The following RGL1 variants were observed in gnomAD, a reference collection of about 807,000 sequenced individuals.
The protein encoded by RGL1 is ral guanine nucleotide dissociation stimulator like 1.
Under a neutral mutation model 95.2 loss-of-function variants are expected in RGL1, and 24 were observed. The ratio of observed to expected loss-of-function variants is 0.25; its 90% CI spans 0.18 to 0.35. RGL1 has a LOEUF of 0.35. Ranked by LOEUF, RGL1 falls within the 10% of genes least tolerant of loss-of-function variation. RGL1 has a pLI of 1.00. For synonymous variants in RGL1, 329 were observed against 344.9 expected (o/e 0.95, Z 0.51); for missense variants, 715 against 936.3 (o/e 0.76, Z 3.08).
intron 2 of RGL1, among the ~76,000 whole-genome samples, chr1:183,798,646 A>G (rs1433898521): frequency 6.6e-6 from 1 of 152,036 alleles, no homozygotes; most frequent in Non-Finnish European, 1.5e-5. Context: ...CCTGTAGTAG[A>G]TCCCTAGAAG....
intron 1 of RGL1, among the ~76,000 whole-genome samples, chr1:183,697,683 T>C (rs4497173): frequency 0.97 from 147,658 of 152,338 alleles, 71,716 homozygotes; most frequent in East Asian, 1. Flanking sequence ...GGTTAAAAAC[T>C]GTCATTGGTT....
chr1:183,657,077 A>T (rs1651224621), intron 1 of RGL1, among the ~76,000 whole-genome samples: 1 of 151,546 alleles, frequency 6.6e-6, no homozygotes, highest in East Asian at 1.9e-4. Flanking sequence ...GAATTTTAGA[A>T]TTTTTTTTAT....
At chr1:183,882,746 C>T (rs1190762967) in intron 5 of RGL1, among the ~76,000 whole-genome samples, 1 of 152,126 alleles carries the variant, frequency 6.6e-6, no homozygotes, top group Non-Finnish European at 1.5e-5. Flanking sequence ...GGTGTAGGGT[C>T]CACTCTCGGA....
chr1:183,662,145 T>C (rs1467573667), intron 1 of RGL1, among the ~76,000 whole-genome samples: 2 of 151,482 alleles, frequency 1.3e-5, no homozygotes, highest in African/African-American at 4.9e-5. Flanking sequence ...CTTTGAAAAC[T>C]GGCACAAGAC....
At chr1:183,747,367 A>G (rs959221234) in intron 2 of RGL1, among the ~76,000 whole-genome samples, 1 of 152,212 alleles carries the variant, frequency 6.6e-6, no homozygotes, top group African/African-American at 2.4e-5. Context: ...GTGAGATGGT[A>G]TCTCATTGTA....
chr1:183,809,979 CCAGA>C (rs1661599617), intron 2 of RGL1, among the ~76,000 whole-genome samples: 1 of 152,022 alleles, frequency 6.6e-6, no homozygotes, highest in Non-Finnish European at 1.5e-5. Context: ...GTAATTTCAC[CCAGA>C]CATTCACTTA....
chr1:183,674,808 T>A (rs1308321641), intron 1 of RGL1, among the ~76,000 whole-genome samples: 1 of 152,258 alleles, frequency 6.6e-6, no homozygotes, highest in Non-Finnish European at 1.5e-5. Flanking sequence ...CTTTAATCTT[T>A]CATCTATCAA....
intron 1 of RGL1, among the ~76,000 whole-genome samples, chr1:183,688,447 G>C (rs1186117520): frequency 6.7e-6 from 1 of 149,400 alleles, no homozygotes; most frequent in South Asian, 2.1e-4. Context: ...GAAATCTCTG[G>C]ATCTACTGAA....
At chr1:183,772,154 C>T (rs925069800) in intron 2 of RGL1, among the ~76,000 whole-genome samples, 2 of 152,240 alleles carry the variant, frequency 1.3e-5, no homozygotes, top group Non-Finnish European at 2.9e-5. Context: ...GCCCACGATT[C>T]TTCCAAGGCA....
At chr1:183,794,932 A>G (rs144744661) in intron 2 of RGL1, among the ~76,000 whole-genome samples, 1 of 152,256 alleles carries the variant, frequency 6.6e-6, no homozygotes, top group East Asian at 1.9e-4. Flanking sequence ...TCATGTAGTC[A>G]TTTTCTTTAT....
At chr1:183,653,843 G>A (rs1311798844) in intron 1 of RGL1, among the ~76,000 whole-genome samples, 3 of 152,098 alleles carry the variant, frequency 2.0e-5, no homozygotes, top group African/African-American at 4.8e-5. Flanking sequence ...TGTGGCTAAC[G>A]GAAGAGCCAC....
chr1:183,881,421 A>G (rs57106900), intron 5 of RGL1, among the ~76,000 whole-genome samples: 87,283 of 152,052 alleles, frequency 0.57, 25,387 homozygotes, highest in African/African-American at 0.67. Context: ...TTTGAAGATT[A>G]ACTTCCTATT....
At chr1:183,686,334 A>T (rs1342555472) in intron 1 of RGL1, among the ~76,000 whole-genome samples, 1 of 152,188 alleles carries the variant, frequency 6.6e-6, no homozygotes, top group Admixed American at 6.5e-5. Context: ...TGCATTTATT[A>T]ATAAAAATAT....
intron 2 of RGL1, among the ~76,000 whole-genome samples, chr1:183,836,149 C>T (rs535710924): frequency 3.3e-5 from 5 of 152,222 alleles, no homozygotes; most frequent in East Asian, 1.9e-4. Context: ...ACAAGTTAGC[C>T]TTCTTTCTTC....
At chr1:183,876,197 C>T (rs895133797) in intron 4 of RGL1, among the ~76,000 whole-genome samples, 1 of 152,190 alleles carries the variant, frequency 6.6e-6, no homozygotes, top group African/African-American at 2.4e-5. Flanking sequence ...TTTTGTGACT[C>T]TGGGAAATAA....
At chr1:183,889,170 G>T (rs1163158650) in intron 8 of RGL1, among the ~76,000 whole-genome samples, 7 of 151,932 alleles carry the variant, frequency 4.6e-5, no homozygotes, top group African/African-American at 1.7e-4. Flanking sequence ...CCTGATTTTT[G>T]CACTACTGCC....
chr1:183,874,081 C>T (rs570706966), intron 4 of RGL1, among the ~76,000 whole-genome samples: 1 of 152,258 alleles, frequency 6.6e-6, no homozygotes, highest in South Asian at 2.1e-4. Flanking sequence ...TGGCGATGTC[C>T]TTTTCTAATA....
chr1:183,768,647 A>AG (rs1659116804), intron 2 of RGL1, among the ~76,000 whole-genome samples: 1 of 151,750 alleles, frequency 6.6e-6, no homozygotes, highest in Non-Finnish European at 1.5e-5. Flanking sequence ...TAGGAAAAAA[A>AG]AAATTGTAGA....
chr1:183,652,281 GT>G (rs1240267231), intron 1 of RGL1, among the ~76,000 whole-genome samples: 1 of 152,220 alleles, frequency 6.6e-6, no homozygotes, highest in Non-Finnish European at 1.5e-5. Context: ...TTCTGTGGCT[GT>G]TTTAGCCAGA....
Sources: allele counts gnomAD v4.1 joint callset (sites outside exome capture counted in the v4.1 genomes callset), GRCh38; gene constraint gnomAD v4.1.1; transcripts MANE v1.5; gene names NCBI Gene and HGNC (gene_info 2026-07-23, HGNC 2026-07-21).